COQ5: variants seen among roughly 807,000 people sequenced by gnomAD.
COQ5 encodes 2-methoxy-6-polyprenyl-1,4-benzoquinol methylase, mitochondrial.
A neutral mutation model predicts 40.5 loss-of-function variants in COQ5; 27 were observed. The ratio of observed to expected loss-of-function variants is 0.67; its 90% CI spans 0.49 to 0.92. COQ5 has a LOEUF of 0.92. Among genes scored for constraint, COQ5 ranks in the 40% least tolerant of loss-of-function variants. The pLI is 0.00. For missense variants in COQ5, 409 were observed against 406.4 expected, an observed-to-expected ratio of 1.01 and a Z score of -0.06; for synonymous variants, 141 against 150.0, an observed-to-expected ratio of 0.94 and a Z score of 0.44.
intron 1 of COQ5, chr12:120,523,777 A>C: frequency 4.2e-6 from 1 of 240,880 alleles, no homozygotes; most frequent in Non-Finnish European, 8.5e-6. Context: ...TGGGAGTCCA[A>C]GGGGGGTGGT....
chr12:120,513,130 C>T (rs1189232937), intron 3 of COQ5, among the ~76,000 whole-genome samples: 1 of 150,046 alleles, frequency 6.7e-6, no homozygotes, highest in African/African-American at 2.5e-5. Flanking sequence ...GCTCCTGCCC[C>T]TAAGATCTTC....
chr12:120,520,897 T>C (rs776818939), intron 2 of COQ5, among the ~76,000 whole-genome samples: 1 of 151,406 alleles, frequency 6.6e-6, no homozygotes, highest in Non-Finnish European at 1.5e-5. Flanking sequence ...TGATAGCAAA[T>C]CAAGCAGAAA....
rs1046227626 is a variant in COQ5, at chr12:120,503,435, C to T, written c.*349G>A. 3 of 404,460 alleles carry T rather than the reference C, an allele frequency of 7.4e-6. No homozygotes were observed. Among genetic ancestry groups the T allele is most frequent in the African/African-American group, 6.2e-5 (3 of 48,242 alleles). The allele number at this position is 404,460 out of a possible 1,614,324, so 25.1% of individuals were successfully genotyped here. A position where few individuals can be genotyped will look rare whatever the true frequency, so the allele number is the denominator to read the frequency against. ...CATTGGGTTCAAATGATCTATCATC[C>T]CTCTAGAAGGCAGCACCAGCAGAGA... On this transcript the variant is annotated 3_prime_UTR_variant, in exon 7 of 7. Transcript: ENST00000288532.
chr12:120,507,388 G>A (rs1186459581), intron 4 of COQ5, among the ~76,000 whole-genome samples: 4 of 150,782 alleles, frequency 2.7e-5, no homozygotes, highest in African/African-American at 7.3e-5. Context: ...GGGTTCAAGC[G>A]ATTCTTCTCC....
chr12:120,509,869 T>C, intron 4 of COQ5, 148 bp downstream of exon 4: 1 of 684,960 alleles, frequency 1.5e-6, no homozygotes, highest in Non-Finnish European at 2.6e-6. Flanking sequence ...AAGGACTGCT[T>C]GAGCCCAGGA....
chr12:120,523,574 A>C (rs1036127434), intron 1 of COQ5: 1 of 181,272 alleles, frequency 5.5e-6, no homozygotes, highest in African/African-American at 2.4e-5. Flanking sequence ...CTGCTGTCTT[A>C]ATTATTATTA....
At chr12:120,521,195 T>C (rs958170678) in intron 2 of COQ5, among the ~76,000 whole-genome samples, 2 of 151,358 alleles carry the variant, frequency 1.3e-5, no homozygotes, top group African/African-American at 2.4e-5. Flanking sequence ...GCCTCCCAAG[T>C]AGCTGGGATT....
intron 3 of COQ5, among the ~76,000 whole-genome samples, chr12:120,511,734 G>A (rs1869144461): frequency 6.6e-6 from 1 of 152,170 alleles, no homozygotes. Flanking sequence ...GTACGAAGTA[G>A]TTATTAGAGT....
chr12:120,520,251 C>A (rs1327242182), intron 2 of COQ5, among the ~76,000 whole-genome samples: 1 of 151,800 alleles, frequency 6.6e-6, no homozygotes, highest in Non-Finnish European at 1.5e-5. Flanking sequence ...TCCAGTGATT[C>A]TCCTGCCTCA....
intron 4 of COQ5, among the ~76,000 whole-genome samples, chr12:120,505,234 T>G (rs1340881810): frequency 6.6e-6 from 1 of 152,176 alleles, no homozygotes; most frequent in African/African-American, 2.4e-5. Context: ...TTGGTACAAT[T>G]GCATGAAGGG....
At chr12:120,522,534 A>AT (rs1210985768) in intron 1 of COQ5, 171 bp from the exon 2 acceptor site, 2,587 of 624,324 alleles carry the variant, frequency 4.1e-3, no homozygotes, top group Non-Finnish European at 5.1e-3. Context: ...CTCTTTATTG[A>AT]TTTATTTTTT....
chr12:120,522,847 G>A (rs1347204251), intron 1 of COQ5: 4 of 696,064 alleles, frequency 5.7e-6, no homozygotes, highest in East Asian at 2.5e-5. Context: ...TCGAGCTTGC[G>A]GCTGACACCC....
At chr12:120,511,305 T>C (rs1869129601) in intron 3 of COQ5, among the ~76,000 whole-genome samples, 1 of 151,908 alleles carries the variant, frequency 6.6e-6, no homozygotes, top group Non-Finnish European at 1.5e-5. Context: ...TGATTTGATT[T>C]TTAGGGAAAG....
At chr12:120,514,643 T>G (rs1369595141) in intron 3 of COQ5, among the ~76,000 whole-genome samples, 1 of 151,638 alleles carries the variant, frequency 6.6e-6, no homozygotes, top group Admixed American at 6.6e-5. Context: ...CTCGGGAGGC[T>G]GAGGCACAAG....
rs1413885800 is a variant in COQ5 at position 120,524,292 on chromosome 12, G to A, written c.203-1929C>T. Among the ~76,000 whole-genome samples the A allele has an allele frequency of 2.6e-5, 4 of 151,214 alleles. No individual in the cohort carries two copies. The East Asian group carries it at 5.9e-4, about 22-fold the overall frequency. ...TTTTTTTTTTTTGAGACGGAGTCTC[G>A]CTCTGTCGCCCAGGCTGCAGTGCAG... On this transcript the variant is annotated intron_variant, in intron 1 of 6. Transcript: ENST00000288532.
chr12:120,527,879 C>T (rs975760003), intron 1 of COQ5, among the ~76,000 whole-genome samples: 4 of 149,288 alleles, frequency 2.7e-5, no homozygotes, highest in Non-Finnish European at 4.4e-5. Flanking sequence ...CCCAGCTACT[C>T]GGGAGGCTGA....
At chr12:120,513,003 T>C (rs1018282950) in intron 3 of COQ5, among the ~76,000 whole-genome samples, 18 of 151,090 alleles carry the variant, frequency 1.2e-4, no homozygotes, top group Admixed American at 9.2e-4. Flanking sequence ...TTTCGCCATG[T>C]TGGCCAGGCT....
rs764549159 is a variant in COQ5 at position 120,510,071 on chromosome 12, C to A, written c.627G>T (p.Lys209Asn). ...DAEELPFDDDKFDIYTIAFGI... is the reference protein window; with the variant it reads ...DAEELPFDDDNFDIYTIAFGI... ...CAAAGGCAATGGTGTAAATATCAAACTTGTCATCATCAAAGGGCAGTTCTT... is the reference window on the plus strand; with the variant it reads ...CAAAGGCAATGGTGTAAATATCAAAATTGTCATCATCAAAGGGCAGTTCTT... Residue 209 changes from lysine to asparagine, a missense_variant, in exon 4 of 7, where the codon AAG (lysine) becomes AAT (asparagine). Coordinates refer to ENST00000288532, the MANE Select transcript of COQ5 (RefSeq NM_032314.4). 6.2e-7 allele frequency: 1 copy of A among 1,614,058 alleles called. No individual in the cohort carries two copies. The highest frequency in any genetic ancestry group is 8.5e-7 in the Non-Finnish European group (1 of 1,180,008).
Position 120,524,924 on chromosome 12 carries a change from G to A in COQ5, c.203-2561C>T, listed in dbSNP as rs533412595. On this transcript the variant is annotated intron_variant, in intron 1 of 6. Coordinates refer to ENST00000288532, the MANE Select transcript of COQ5 (RefSeq NM_032314.4). ...ACCTCCGCCTCCCGGCAATTCTCCTGGCTCAGCCTCCCAAGTAGCTGGGAC... is the reference window on the plus strand; with the variant it reads ...ACCTCCGCCTCCCGGCAATTCTCCTAGCTCAGCCTCCCAAGTAGCTGGGAC... Among the ~76,000 whole-genome samples, 17 of 151,140 alleles carry A rather than the reference G, an allele frequency of 1.1e-4. No individual in the cohort carries two copies. The South Asian group carries it at 3.6e-3, about 32-fold the overall frequency.
Sources: allele counts gnomAD v4.1 joint callset (sites outside exome capture counted in the v4.1 genomes callset), GRCh38; gene constraint gnomAD v4.1.1; transcripts MANE v1.5; gene names NCBI Gene and HGNC (gene_info 2026-07-23, HGNC 2026-07-21).